Variants in VPS13B observed in about 807,000 individuals in gnomAD.
VPS13B encodes the protein vacuolar protein sorting 13 homolog B.
VPS13B carries 285 observed loss-of-function variants against 426.4 expected under a neutral mutation model. The ratio of observed to expected loss-of-function variants is 0.67; its 90% CI spans 0.61 to 0.74. The LOEUF (loss-of-function observed/expected upper bound fraction) is 0.74. Ranked by LOEUF, VPS13B falls within the 30% of genes least tolerant of loss-of-function variation. VPS13B has a pLI of 0.00. For synonymous variants in VPS13B, 1,676 were observed against 1,676.4 expected (o/e 1.00, Z 0.01); for missense variants, 4,537 against 4,782.6 (o/e 0.95, Z 1.51).
chr8:99,502,390 A>C (rs2133612106), intron 26 of VPS13B, among the ~76,000 whole-genome samples: 1 of 152,340 alleles, frequency 6.6e-6, no homozygotes, highest in African/African-American at 2.4e-5. Context: ...AATTATTATT[A>C]GCTCTAATTC....
chr8:99,846,684 TG>T (rs1215691675), intron 54 of VPS13B, among the ~76,000 whole-genome samples: 1 of 152,252 alleles, frequency 6.6e-6, no homozygotes, highest in African/African-American at 2.4e-5. Flanking sequence ...CTAGGTTTTT[TG>T]CCAGAAGAAG....
chr8:99,859,149 A>T (rs184473414), intron 56 of VPS13B, among the ~76,000 whole-genome samples, 155 bp from the exon 57 acceptor site: 1 of 152,256 alleles, frequency 6.6e-6, no homozygotes, highest in African/African-American at 2.4e-5. Context: ...TTCACAGAGA[A>T]TGACTTATTT....
intron 30 of VPS13B, among the ~76,000 whole-genome samples, chr8:99,548,821 G>A (rs1451342627): frequency 6.6e-6 from 1 of 151,572 alleles, no homozygotes; most frequent in East Asian, 1.9e-4. Flanking sequence ...ATAAATCTTG[G>A]GGATTATGTA....
intron 15 of VPS13B, among the ~76,000 whole-genome samples, chr8:99,162,863 T>C (rs1304224382): frequency 6.6e-6 from 1 of 152,180 alleles, no homozygotes; most frequent in Non-Finnish European, 1.5e-5. Context: ...TTTTATTCTT[T>C]TATCTGGCCC....
intron 53 of VPS13B, 70 bp downstream of exon 53, chr8:99,835,394 G>A (rs1815336399): frequency 3.2e-6 from 5 of 1,545,600 alleles, no homozygotes; most frequent in Admixed American, 1.7e-5. Flanking sequence ...TGATTTAGTA[G>A]TTACCTGTGA....
intron 59 of VPS13B, among the ~76,000 whole-genome samples, chr8:99,869,777 CATCACTCT>C (rs922550359): frequency 1.3e-5 from 2 of 152,204 alleles, no homozygotes; most frequent in African/African-American, 4.8e-5. Context: ...TTTTGGTTTC[CATCACTCT>C]TGTAAAACTT....
At position 99,560,611 on chromosome 8, in the gene VPS13B, G is replaced by A. The variant is rs536319487; in HGVS notation, c.4949+3958G>A. On this transcript the variant is annotated intron_variant, in intron 31 of 61. Transcript: ENST00000357162. ...GAGAAGGGGTGTAAATTTGGATGAA[G>A]AAGCACATACAGCCAGCCAGGGTAA... Among the ~76,000 whole-genome samples, 77 of 152,298 alleles carry A rather than the reference G, an allele frequency of 5.1e-4. 1 individual carries two copies. The highest frequency in any genetic ancestry group is 3.4e-3 in the Middle Eastern group (1 of 294).
chr8:99,762,325 C>G (rs1376647592), intron 39 of VPS13B, among the ~76,000 whole-genome samples: 1 of 152,188 alleles, frequency 6.6e-6, no homozygotes, highest in Non-Finnish European at 1.5e-5. Flanking sequence ...TGTGACTGGC[C>G]TCCACTGAGA....
intron 21 of VPS13B, among the ~76,000 whole-genome samples, chr8:99,406,006 C>T (rs1363640137): frequency 6.6e-6 from 1 of 152,130 alleles, no homozygotes; most frequent in Non-Finnish European, 1.5e-5. Context: ...TATCGAACTC[C>T]TGACCTTGTA....
At chr8:99,563,332 A>G (rs1404685153) in intron 31 of VPS13B, among the ~76,000 whole-genome samples, 2 of 152,232 alleles carry the variant, frequency 1.3e-5, no homozygotes, top group African/African-American at 2.4e-5. Context: ...CTATTTAACT[A>G]TTAGAATGCA....
At chr8:99,873,498 G>C (rs1019927082) in intron 61 of VPS13B, among the ~76,000 whole-genome samples, 1 of 152,182 alleles carries the variant, frequency 6.6e-6, no homozygotes, top group Non-Finnish European at 1.5e-5. Flanking sequence ...GAAGTGGGAA[G>C]ACATGACTGA....
At chr8:99,179,823 A>G (rs1812851419) in intron 16 of VPS13B, among the ~76,000 whole-genome samples, 1 of 152,078 alleles carries the variant, frequency 6.6e-6, no homozygotes. Flanking sequence ...TTTCTTTAAC[A>G]ATTTCAATTT....
intron 23 of VPS13B, among the ~76,000 whole-genome samples, chr8:99,460,982 T>G (rs1818800011): frequency 6.6e-6 from 1 of 152,210 alleles, no homozygotes; most frequent in African/African-American, 2.4e-5. Flanking sequence ...GCTTTTCTCA[T>G]TCTTTCAATC....
At chr8:99,408,442 G>A (rs533552213) in intron 21 of VPS13B, among the ~76,000 whole-genome samples, 5 of 152,238 alleles carry the variant, frequency 3.3e-5, no homozygotes, top group African/African-American at 9.6e-5. Flanking sequence ...TAACAGAGAA[G>A]GGTCATGGTT....
chr8:99,329,167 G>A (rs1356746825), intron 19 of VPS13B, among the ~76,000 whole-genome samples: 3 of 152,028 alleles, frequency 2.0e-5, no homozygotes, highest in African/African-American at 7.2e-5. Context: ...TCAAAATTGT[G>A]AACTGTTATC....
intron 55 of VPS13B, 152 bp from the exon 56 acceptor site, chr8:99,853,299 C>A (rs541777513): frequency 1.1e-5 from 8 of 746,762 alleles, no homozygotes; most frequent in South Asian, 1.8e-5. Context: ...CGTCCAGACA[C>A]AATGTACTGA....
intron 33 of VPS13B, among the ~76,000 whole-genome samples, chr8:99,641,370 A>G (rs1829351564): frequency 6.6e-6 from 1 of 152,208 alleles, no homozygotes; most frequent in African/African-American, 2.4e-5. Context: ...TTTATAAGAA[A>G]GGTAAGGAGT....
chr8:99,686,611 G>A (rs1831417647), intron 35 of VPS13B, among the ~76,000 whole-genome samples: 1 of 151,954 alleles, frequency 6.6e-6, no homozygotes, highest in Admixed American at 6.5e-5. Context: ...TCCACAAGCA[G>A]TGGAGTCTCT....
intron 24 of VPS13B, among the ~76,000 whole-genome samples, chr8:99,473,400 A>G (rs1164067758): frequency 6.6e-6 from 1 of 152,108 alleles, no homozygotes; most frequent in Non-Finnish European, 1.5e-5. Flanking sequence ...TAATAACAAA[A>G]CAAAGGAGAA....
Sources: gnomAD v4.1 joint callset for allele counts (sites outside exome capture counted in the v4.1 genomes callset) on GRCh38, gnomAD v4.1.1 for gene constraint, MANE v1.5 for transcripts, NCBI Gene and HGNC (gene_info 2026-07-23, HGNC 2026-07-21) for gene names.